Variants in CCDC66 observed in about 807,000 individuals in gnomAD.
CCDC66 encodes coiled-coil domain containing 66, also known as coiled-coil domain-containing protein 66.
Under a neutral mutation model 128.3 loss-of-function variants are expected in CCDC66, and 133 were observed. That is an observed-to-expected ratio of 1.04 (90% CI 0.90 to 1.20). CCDC66 has a LOEUF of 1.20. Among genes scored for constraint, CCDC66 ranks in the 50% most tolerant of loss-of-function variants. CCDC66 has a pLI of 0.00. For missense variants in CCDC66, 1,126 were observed against 1,075.5 expected (o/e 1.05, Z -0.66); for synonymous variants, 387 against 357.0 (o/e 1.08, Z -0.95).
chr3:56,576,007 G>C (rs569115875), intron 7 of CCDC66, among the ~76,000 whole-genome samples: 1 of 151,038 alleles, frequency 6.6e-6, no homozygotes, highest in African/African-American at 2.4e-5. Context: ...TTGTCTATTC[G>C]TGGTCCCTTG....
At chr3:56,568,992 CAAG>C (rs1342848604) in intron 6 of CCDC66, among the ~76,000 whole-genome samples, 1 of 152,164 alleles carries the variant, frequency 6.6e-6, no homozygotes, top group Non-Finnish European at 1.5e-5. Context: ...AGTTGAAAAA[CAAG>C]AAAGTCTTGT....
At chr3:56,596,952 G>A (rs935769835) in intron 10 of CCDC66, among the ~76,000 whole-genome samples, 1 of 148,928 alleles carries the variant, frequency 6.7e-6, no homozygotes, top group African/African-American at 2.5e-5. Context: ...TACAGATGGG[G>A]TTTCACCATG....
chr3:56,571,303 G>GT lies in CCDC66; in HGVS notation c.936+2dup. On this transcript the variant is annotated splice_donor_variant, in intron 7 of 17. Transcript: ENST00000394672. LOFTEE classifies it high-confidence loss of function. ...ACATCAAATTCTTGACCAATCTAGG[G>GT]TAAGACATCTTAATTGCAATTTTTA... 1 of 1,494,070 alleles carries GT rather than the reference G, an allele frequency of 6.7e-7. No homozygotes were observed. The highest frequency in any genetic ancestry group is 9.1e-7 in the Non-Finnish European group (1 of 1,094,808). The allele number at this position is 1,494,070 out of a possible 1,614,324, so 92.6% of individuals were successfully genotyped here.
chr3:56,604,303 A>G (rs991345942), intron 10 of CCDC66, among the ~76,000 whole-genome samples: 5 of 151,904 alleles, frequency 3.3e-5, no homozygotes, highest in African/African-American at 1.2e-4. Context: ...TTATGTGTGA[A>G]TTTGATCCTG....
At chr3:56,573,600 G>GT (rs1427717214) in intron 7 of CCDC66, among the ~76,000 whole-genome samples, 3 of 152,234 alleles carry the variant, frequency 2.0e-5, no homozygotes, top group African/African-American at 7.2e-5. Context: ...CAAGGGTAGA[G>GT]TTTTCAGCCC....
At chr3:56,602,231 TG>T (rs1450217654) in intron 10 of CCDC66, among the ~76,000 whole-genome samples, 1 of 152,106 alleles carries the variant, frequency 6.6e-6, no homozygotes, top group African/African-American at 2.4e-5. Flanking sequence ...GATAATCATG[TG>T]GTTTTTGTCA....
At chr3:56,612,604 G>C (rs2074993426) in intron 10 of CCDC66, among the ~76,000 whole-genome samples, 1 of 152,318 alleles carries the variant, frequency 6.6e-6, no homozygotes, top group Non-Finnish European at 1.5e-5. Flanking sequence ...AGTAGTAGTA[G>C]TGGGACAACC....
At position 56,607,605 on chromosome 3, in the gene CCDC66, CTT is replaced by C. The variant is rs1267575613; in HGVS notation, c.1405-5982_1405-5981del. 1.2e-4 allele frequency among the ~76,000 whole-genome samples: 19 copies of C among 152,244 alleles called. No individual in the cohort carries two copies. In the East Asian group the frequency reaches 3.3e-3, roughly 26 times the overall value. ...GCAAACAGGGACAGTTTGACTTCCT[CTT>C]TACTGATTTGGATGCCCTTTATTTA... is the stretch of plus-strand genomic sequence containing the variant. On this transcript the variant is annotated intron_variant, in intron 10 of 17. Coordinates refer to ENST00000394672, the MANE Select transcript of CCDC66 (RefSeq NM_001141947.3).
chr3:56,595,140 A>G (rs993200413), intron 10 of CCDC66, among the ~76,000 whole-genome samples: 1 of 152,230 alleles, frequency 6.6e-6, no homozygotes, highest in African/African-American at 2.4e-5. Context: ...TGTTTTATAT[A>G]TTTATAGGAT....
At chr3:56,592,566 T>A (rs1259138482) in intron 7 of CCDC66, among the ~76,000 whole-genome samples, 1 of 151,618 alleles carries the variant, frequency 6.6e-6, no homozygotes, top group Non-Finnish European at 1.5e-5. Context: ...TTTTGCCATG[T>A]TGGCCAGGGG....
chr3:56,619,358 TGA>T lies in CCDC66; in HGVS notation c.2475_2476del (p.Asn826PhefsTer6), dbSNP rs757212822. ...ATTTACCACTAAAAAACAGTAGCTA[TGA>T]GAGAGAGAATTTGATCTCAGGAAGT... is the stretch of plus-strand genomic sequence containing the variant. ...LHLPLKNSSY[E>X]RENLISGSNQ... On this transcript the variant is annotated frameshift_variant, in exon 16 of 18. Transcript: ENST00000394672. LOFTEE classifies it high-confidence loss of function. 60 of 1,613,490 alleles carry T rather than the reference TGA, an allele frequency of 3.7e-5. No homozygotes were observed. The highest frequency in any genetic ancestry group is 1.6e-4 in the Middle Eastern group (1 of 6,082).
In CCDC66 at chr3:56,562,707, C is replaced by T. The variant is rs974093037; in HGVS notation, c.103-977C>T. On this transcript the variant is annotated intron_variant, in intron 3 of 17. Transcript: ENST00000394672. ...AGGCTGGAGTGCAGTGGCACGATCTCGGTTCACTGCAACCTCTGCCTTCTG... is the reference window on the plus strand; with the variant it reads ...AGGCTGGAGTGCAGTGGCACGATCTTGGTTCACTGCAACCTCTGCCTTCTG... Among the ~76,000 whole-genome samples the T allele has an allele frequency of 2.6e-5, 4 of 151,960 alleles. No individual in the cohort carries two copies. The South Asian group carries it at 6.2e-4, about 24-fold the overall frequency.
At chr3:56,618,004 A>C in intron 14 of CCDC66, 168 bp from the exon 15 acceptor site, 1 of 630,966 alleles carries the variant, frequency 1.6e-6, no homozygotes, top group South Asian at 1.9e-5. Flanking sequence ...GGAACTCCCA[A>C]GGATTAGTTT....
At chr3:56,568,123 T>A (rs2066135594) in intron 6 of CCDC66, among the ~76,000 whole-genome samples, 1 of 152,214 alleles carries the variant, frequency 6.6e-6, no homozygotes, top group Non-Finnish European at 1.5e-5. Context: ...GGGAGAATCC[T>A]CAGAGAAAGC....
At chr3:56,594,734 A>T (rs1451302000) in intron 10 of CCDC66, among the ~76,000 whole-genome samples, 1 of 152,194 alleles carries the variant, frequency 6.6e-6, no homozygotes, top group Non-Finnish European at 1.5e-5. Context: ...GCTAAAATTA[A>T]AATTAAAACT....
chr3:56,583,008 G>T (rs1025865689), intron 7 of CCDC66, among the ~76,000 whole-genome samples: 41 of 151,144 alleles, frequency 2.7e-4, no homozygotes, highest in Non-Finnish European at 5.6e-4. Context: ...CTTACAAGTA[G>T]CTGGGACTAC....
intron 10 of CCDC66, among the ~76,000 whole-genome samples, chr3:56,604,367 A>G (rs1198357349): frequency 1.3e-5 from 2 of 151,984 alleles, no homozygotes; most frequent in African/African-American, 4.8e-5. Flanking sequence ...GTTTCTTCAT[A>G]GTGTCGATGG....
At chr3:56,578,409 A>G (rs963353885) in intron 7 of CCDC66, among the ~76,000 whole-genome samples, 13 of 151,668 alleles carry the variant, frequency 8.6e-5, no homozygotes, top group African/African-American at 2.7e-4. Flanking sequence ...TTTCTTCCTC[A>G]TACCTGATTG....
In CCDC66 at chr3:56,559,519, C is replaced by T. The variant is rs545415685; in HGVS notation, c.77-50C>T. On this transcript the variant is annotated intron_variant, in intron 2 of 17. Coordinates refer to ENST00000394672, the MANE Select transcript of CCDC66 (RefSeq NM_001141947.3). ...AATTACAGTTTTCTTGCATTACCACCTTAGTATGCTTTTGGTGGATAGTTT... is the reference window on the plus strand; with the variant it reads ...AATTACAGTTTTCTTGCATTACCACTTTAGTATGCTTTTGGTGGATAGTTT... 1.3e-5 allele frequency: 17 copies of T among 1,277,684 alleles called. No individual in the cohort carries two copies. In the African/African-American group the frequency reaches 2.3e-4, roughly 17 times the overall value. The allele number at this position is 1,277,684 out of a possible 1,614,324, so 79.1% of individuals were successfully genotyped here.
Sources: gnomAD v4.1 joint callset for allele counts (sites outside exome capture counted in the v4.1 genomes callset) on GRCh38, gnomAD v4.1.1 for gene constraint, MANE v1.5 for transcripts, NCBI Gene and HGNC (gene_info 2026-07-23, HGNC 2026-07-21) for gene names.